The following MAEA variants were observed in gnomAD, a reference collection of about 807,000 sequenced individuals.
MAEA encodes E3 ubiquitin-protein transferase MAEA.
A neutral mutation model predicts 46.2 loss-of-function variants in MAEA; 22 were observed. That is an observed-to-expected ratio of 0.48 (90% CI 0.34 to 0.68). The LOEUF is 0.68. MAEA is among the 30% of genes least tolerant of loss of function. The pLI, the probability that MAEA is intolerant of heterozygous loss-of-function variation, is 0.01. For synonymous variants in MAEA, 246 were observed against 222.6 expected, an observed-to-expected ratio of 1.11 and a Z score of -0.94; for missense variants, 393 against 558.1, an observed-to-expected ratio of 0.70 and a Z score of 2.98.
chr4:1,326,581 T>G (rs918904295), intron 4 of MAEA, among the ~76,000 whole-genome samples: 2 of 152,140 alleles, frequency 1.3e-5, no homozygotes, highest in African/African-American at 4.8e-5. Flanking sequence ...GAGAGGCTCA[T>G]AGGCAGACAC....
intron 1 of MAEA, among the ~76,000 whole-genome samples, chr4:1,292,972 C>A (rs1442516952): frequency 6.7e-6 from 1 of 148,940 alleles, no homozygotes; most frequent in African/African-American, 2.5e-5. Context: ...CAGCTCACTG[C>A]AACCTCTGCC....
rs566608740 is a variant in MAEA at position 1,318,544 on chromosome 4, C to T, written c.456+2944C>T. On this transcript the variant is annotated intron_variant, in intron 3 of 8. Transcript: ENST00000303400. ...CCTGGAGCTGCTGTGTGGAAGAAGG[C>T]GGGCGTGTGGAGCCCATGAGGACTG... 1.3e-4 allele frequency among the ~76,000 whole-genome samples: 19 copies of T among 151,796 alleles called. No homozygotes were observed. In the South Asian group the frequency reaches 3.5e-3, roughly 28 times the overall value.
At chr4:1,309,300 C>A in intron 1 of MAEA, 1 of 426,180 alleles carries the variant, frequency 2.3e-6, no homozygotes, top group Non-Finnish European at 3.3e-6. Flanking sequence ...TGAAATTCCA[C>A]TCACTCGGTC....
chr4:1,298,134 C>G (rs1413396910), intron 1 of MAEA: 1 of 453,140 alleles, frequency 2.2e-6, no homozygotes. Flanking sequence ...CCATATGCCC[C>G]TCCTTCTCCA....
chr4:1,331,309 G>A (rs954899928), intron 5 of MAEA: 1 of 151,186 alleles, frequency 6.6e-6, no homozygotes. Flanking sequence ...TCGGCCGTGT[G>A]GATTCACCCC....
chr4:1,321,323 A>G (rs371079453), intron 3 of MAEA, among the ~76,000 whole-genome samples: 17 of 151,930 alleles, frequency 1.1e-4, no homozygotes, highest in African/African-American at 3.6e-4. Flanking sequence ...CAAAGCAAAC[A>G]TGCAAGAAAA....
intron 5 of MAEA, chr4:1,331,764 TGG>T (rs5855699): frequency 1.6e-4 from 24 of 147,376 alleles, no homozygotes; most frequent in African/African-American, 4.2e-4. Context: ...ACCCTGTGTG[TGG>T]GGGGGGGCAT....
chr4:1,303,974 T>TG (rs889892411), intron 1 of MAEA, among the ~76,000 whole-genome samples: 5 of 150,888 alleles, frequency 3.3e-5, no homozygotes, highest in African/African-American at 1.2e-4. Flanking sequence ...GGGGCGTCCG[T>TG]GGTGTGTAGC....
At chr4:1,329,206 C>A (rs888901556) in intron 5 of MAEA, 4 of 985,556 alleles carry the variant, frequency 4.1e-6, no homozygotes, top group Non-Finnish European at 4.8e-6. Flanking sequence ...CTGTTACCCC[C>A]ACTCCGCATA....
intron 3 of MAEA, among the ~76,000 whole-genome samples, chr4:1,320,178 G>A (rs1051572617): frequency 1.4e-4 from 14 of 96,594 alleles, no homozygotes; most frequent in African/African-American, 7.1e-4. Flanking sequence ...CACTATGAAG[G>A]GGCTTCAGAA....
chr4:1,327,672 A>T lies in MAEA; in HGVS notation c.625A>T (p.Ile209Phe). 1.9e-6 allele frequency: 3 copies of T among 1,613,980 alleles called. No individual in the cohort carries two copies. The highest frequency in any genetic ancestry group is 2.5e-6 in the Non-Finnish European group (3 of 1,180,006). ...CAGAATCCAGGAGTTCATTGAACTCATCCGGCAGAATAAGAGACTGGACGC... is the reference window on the plus strand; with the variant it reads ...CAGAATCCAGGAGTTCATTGAACTCTTCCGGCAGAATAAGAGACTGGACGC... ...SLRIQEFIEL[I>F]RQNKRLDAVR... Residue 209 changes from isoleucine to phenylalanine, a missense_variant, in exon 5 of 9, where the codon ATC (isoleucine) becomes TTC (phenylalanine). Around this residue, in one of 2 missense-constraint regions of MAEA, gnomAD observed 358 missense variants for 537.9 expected, o/e 0.67. Transcript: ENST00000303400.
chr4:1,312,575 G>A (rs1190964623), intron 2 of MAEA: 15 of 179,630 alleles, frequency 8.4e-5, no homozygotes, highest in Non-Finnish European at 3.6e-5. Flanking sequence ...GACTACAGGC[G>A]CCCACCACCA....
chr4:1,323,045 C>G (rs568612533), intron 4 of MAEA, among the ~76,000 whole-genome samples: 1 of 129,520 alleles, frequency 7.7e-6, no homozygotes, highest in African/African-American at 2.9e-5. Flanking sequence ...CTCCGGTGTT[C>G]AAGCGATTCT....
chr4:1,335,205 T>G (rs1018234781), intron 6 of MAEA: 3 of 985,380 alleles, frequency 3.0e-6, no homozygotes, highest in African/African-American at 1.7e-5. Context: ...ATGGACCGGT[T>G]GTTTTCCATT....
In MAEA at chr4:1,332,779, C is replaced by A; in HGVS notation, c.679C>A (p.Gln227Lys). ...AVRHARKHFS[Q>K]AEGSQLDEVR... ...TAGACATGCAAGAAAGCACTTCAGC[C>A]AAGCAGAAGGGAGCCAGCTGGACGA... Residue 227 changes from glutamine (Q) to lysine (K), a missense_variant, in exon 6 of 9, where the codon CAA becomes AAA. By Grantham distance (53) the Gln-to-Lys change is moderately conservative (BLOSUM62 1). Transcript: ENST00000303400. 1 of 1,612,890 alleles carries A rather than the reference C, an allele frequency of 6.2e-7. No individual in the cohort carries two copies. The highest frequency in any genetic ancestry group is 8.5e-7 in the Non-Finnish European group (1 of 1,179,522).
intron 1 of MAEA, among the ~76,000 whole-genome samples, chr4:1,307,333 C>A (rs1392045225): frequency 6.6e-6 from 1 of 152,180 alleles, no homozygotes; most frequent in Non-Finnish European, 1.5e-5. Flanking sequence ...CCCACCCCAG[C>A]CCCTGGGATC....
intron 5 of MAEA, chr4:1,331,853 C>G (rs1050962618): frequency 2.0e-5 from 3 of 152,660 alleles, no homozygotes; most frequent in African/African-American, 7.2e-5. Flanking sequence ...GCTTTGGTTT[C>G]TTGGTTGCCC....
chr4:1,331,807 C>T, intron 5 of MAEA: 1 of 152,806 alleles, frequency 6.5e-6, no homozygotes, highest in Non-Finnish European at 1.5e-5. Context: ...TGAGCAGGTG[C>T]CCGCTGGTCA....
intron 1 of MAEA, among the ~76,000 whole-genome samples, chr4:1,310,835 A>G (rs1472210031): frequency 6.6e-6 from 1 of 152,086 alleles, no homozygotes. Context: ...TCGGGGGGAA[A>G]GTGAGTCTAG....
Sources: allele counts gnomAD v4.1 joint callset (sites outside exome capture counted in the v4.1 genomes callset), GRCh38; gene constraint gnomAD v4.1.1; regional missense constraint gnomAD v4.1.1; transcripts MANE v1.5; gene names NCBI Gene and HGNC (gene_info 2026-07-23, HGNC 2026-07-21).